CYP39A1: variants seen among roughly 807,000 people sequenced by gnomAD.
CYP39A1 encodes cytochrome P450 family 39 subfamily A member 1.
CYP39A1 carries 49 observed loss-of-function variants against 58.1 expected under a neutral mutation model. The ratio of observed to expected loss-of-function variants is 0.84; its 90% CI spans 0.67 to 1.07. The LOEUF is 1.07. CYP39A1 is among the 50% of genes least tolerant of loss of function. The pLI is 0.00. For missense variants in CYP39A1, 531 were observed against 539.4 expected, an observed-to-expected ratio of 0.98 and a Z score of 0.16; for synonymous variants, 209 against 187.6, an observed-to-expected ratio of 1.11 and a Z score of -0.93.
chr6:46,607,215 A>C lies in CYP39A1; in HGVS notation c.932-11095T>G, dbSNP rs534035759. ...AAGAACACACACAAAAAATACCTGG[A>C]TATAAATATCTCTAAGTTTCATATA... On this transcript the variant is annotated intron_variant, in intron 7 of 11. Coordinates refer to ENST00000275016, the MANE Select transcript of CYP39A1 (RefSeq NM_016593.5). 7.4e-4 allele frequency among the ~76,000 whole-genome samples: 113 copies of C among 152,274 alleles called. 1 individual carries two copies. In the South Asian group the frequency reaches 0.023, roughly 30 times the overall value.
At chr6:46,644,022 G>T (rs1776498716) in intron 1 of CYP39A1, among the ~76,000 whole-genome samples, 1 of 152,090 alleles carries the variant, frequency 6.6e-6, no homozygotes, top group Non-Finnish European at 1.5e-5. Flanking sequence ...CAAAACTATA[G>T]TACAGTATCA....
At chr6:46,609,268 T>G (rs1464192142) in intron 7 of CYP39A1, among the ~76,000 whole-genome samples, 1 of 151,704 alleles carries the variant, frequency 6.6e-6, no homozygotes, top group East Asian at 2.0e-4. Context: ...CCGGGCGTGG[T>G]GGCGGGTGCC....
At chr6:46,562,532 C>A (rs898028603) in intron 10 of CYP39A1, among the ~76,000 whole-genome samples, 7 of 151,798 alleles carry the variant, frequency 4.6e-5, no homozygotes, top group African/African-American at 1.7e-4. Flanking sequence ...CTTTGGGAGG[C>A]TGAAGCAGGT....
At chr6:46,557,001 T>C (rs1031843154) in intron 10 of CYP39A1, among the ~76,000 whole-genome samples, 1 of 152,056 alleles carries the variant, frequency 6.6e-6, no homozygotes. Flanking sequence ...GAGAGAAAGA[T>C]AAGATATTTT....
chr6:46,642,707 A>T (rs1056246995), intron 1 of CYP39A1, among the ~76,000 whole-genome samples: 2 of 152,210 alleles, frequency 1.3e-5, no homozygotes, highest in Non-Finnish European at 2.9e-5. Flanking sequence ...TTTATGGGAA[A>T]TCCATGGTTA....
At chr6:46,574,466 G>A (rs190687795) in intron 10 of CYP39A1, among the ~76,000 whole-genome samples, 12 of 152,310 alleles carry the variant, frequency 7.9e-5, no homozygotes, top group African/African-American at 1.7e-4. Flanking sequence ...ATTAGAAAGC[G>A]AGGAGAAGGA....
intron 8 of CYP39A1, 31 bp downstream of exon 8, chr6:46,595,956 T>C: frequency 6.3e-7 from 1 of 1,594,916 alleles, no homozygotes; most frequent in South Asian, 1.2e-5. Flanking sequence ...TTGTAGAAGG[T>C]TGATTCATTT....
At chr6:46,605,438 T>G (rs962445925) in intron 7 of CYP39A1, among the ~76,000 whole-genome samples, 1 of 152,198 alleles carries the variant, frequency 6.6e-6, no homozygotes, top group African/African-American at 2.4e-5. Flanking sequence ...TGCAATGTAA[T>G]TTTTACTTTC....
chr6:46,622,805 C>A (rs1197763356), intron 7 of CYP39A1, among the ~76,000 whole-genome samples: 9 of 152,056 alleles, frequency 5.9e-5, no homozygotes, highest in African/African-American at 2.2e-4. Flanking sequence ...GCTAAGCAAG[C>A]ATCTTCACAA....
intron 7 of CYP39A1, among the ~76,000 whole-genome samples, chr6:46,602,651 A>G (rs1380829577): frequency 6.7e-6 from 1 of 150,220 alleles, no homozygotes; most frequent in Non-Finnish European, 1.5e-5. Flanking sequence ...CGTCTCTACT[A>G]AAAATACAAA....
intron 7 of CYP39A1, among the ~76,000 whole-genome samples, chr6:46,597,172 G>T (rs1251113763): frequency 6.6e-6 from 1 of 152,038 alleles, no homozygotes; most frequent in African/African-American, 2.4e-5. Context: ...AACACCTTTG[G>T]TTAGTGGAGT....
chr6:46,617,068 C>T (rs1261784275), intron 7 of CYP39A1, among the ~76,000 whole-genome samples: 1 of 152,132 alleles, frequency 6.6e-6, no homozygotes, highest in Non-Finnish European at 1.5e-5. Flanking sequence ...TGATTGTCTA[C>T]ATAAACTACA....
chr6:46,652,619 G>C lies in CYP39A1; in HGVS notation c.-37C>G. The C allele has an allele frequency of 6.5e-7, 1 of 1,541,448 alleles. No homozygotes were observed. The highest frequency in any genetic ancestry group is 2.4e-5 in the East Asian group (1 of 42,416). On this transcript the variant is annotated 5_prime_UTR_variant, in exon 1 of 12. An upstream open reading frame in the 5' UTR gains an earlier in-frame stop. Transcript: ENST00000275016. Reference sequence around the variant, plus strand: ...GCACCTTCCAGAAGCAGAAAAGTGTGAAACAGTCCTGCCGTCCCTTGCTTC... The same window carrying C: ...GCACCTTCCAGAAGCAGAAAAGTGTCAAACAGTCCTGCCGTCCCTTGCTTC...
At chr6:46,633,703 A>T (rs1304066333) in intron 5 of CYP39A1, among the ~76,000 whole-genome samples, 1 of 152,176 alleles carries the variant, frequency 6.6e-6, no homozygotes, top group East Asian at 1.9e-4. Context: ...CTAAAAATAT[A>T]AAAAATAGCC....
At chr6:46,608,995 G>GT (rs1204202233) in intron 7 of CYP39A1, among the ~76,000 whole-genome samples, 1 of 152,056 alleles carries the variant, frequency 6.6e-6, no homozygotes, top group East Asian at 1.9e-4. Flanking sequence ...TGTGAGACGA[G>GT]TATTTGTTGA....
chr6:46,583,447 A>ACCCTCCGT, intron 10 of CYP39A1: 1 of 983,908 alleles, frequency 1.0e-6, no homozygotes, highest in Non-Finnish European at 1.2e-6. Context: ...CACACTGAAA[A>ACCCTCCGT]CCCTCCGTCT....
intron 10 of CYP39A1, among the ~76,000 whole-genome samples, chr6:46,556,984 T>A (rs1770695615): frequency 6.6e-6 from 1 of 152,008 alleles, no homozygotes; most frequent in Admixed American, 6.5e-5. Flanking sequence ...AAGAACAGCA[T>A]GATGAGGAGA....
intron 7 of CYP39A1, among the ~76,000 whole-genome samples, chr6:46,596,737 AGGAG>A (rs1773187326): frequency 6.6e-6 from 1 of 151,906 alleles, no homozygotes; most frequent in African/African-American, 2.4e-5. Flanking sequence ...CACCTGAAAA[AGGAG>A]GGGGTGGGGT....
At chr6:46,555,525 G>T (rs1770629922) in intron 10 of CYP39A1, among the ~76,000 whole-genome samples, 1 of 151,862 alleles carries the variant, frequency 6.6e-6, no homozygotes, top group African/African-American at 2.4e-5. Context: ...TCAATTTCCT[G>T]CCCTTTCCAC....
Sources: gnomAD v4.1 joint callset for allele counts (sites outside exome capture counted in the v4.1 genomes callset) on GRCh38, gnomAD v4.1.1 for gene constraint, MANE v1.5 for transcripts, NCBI Gene and HGNC (gene_info 2026-07-23, HGNC 2026-07-21) for gene names.